The following LPIN1 variants were observed in gnomAD, a reference collection of about 807,000 sequenced individuals.
LPIN1 encodes phosphatidate phosphatase LPIN1.
Under a neutral mutation model 107.5 loss-of-function variants are expected in LPIN1, and 71 were observed. That is an observed-to-expected ratio of 0.66 (90% confidence interval 0.55 to 0.80). LPIN1 has a LOEUF of 0.80. Among genes scored for constraint, LPIN1 ranks in the 30% least tolerant of loss-of-function variants. LPIN1 has a pLI of 0.00. For missense variants in LPIN1, 1,043 were observed against 1,160.6 expected, an observed-to-expected ratio of 0.90 and a Z score of 1.47; for synonymous variants, 445 against 452.6, an observed-to-expected ratio of 0.98 and a Z score of 0.21.
rs529843959 is a variant in LPIN1 at position 11,774,572 on chromosome 2, A to G, written c.722+827A>G. Among the ~76,000 whole-genome samples, 1 of 152,318 alleles carries G rather than the reference A, an allele frequency of 6.6e-6. No individual in the cohort carries two copies. Among genetic ancestry groups the G allele is most frequent in the Admixed American group, 6.5e-5 (1 of 15,304 alleles). On this transcript the variant is annotated intron_variant, in intron 5 of 20. Transcript: ENST00000674199. The surrounding 1 kb of genome is among the most constrained non-coding windows in gnomAD (Gnocchi z 4.4). ...ACTGAGAAACGCTGATCTAAATGCC[A>G]GTGACATCCTTGGGTTATTCGTATA...
upstream of LPIN1, among the ~76,000 whole-genome samples, chr2:11,720,397 T>C (rs974380092): frequency 6.6e-6 from 1 of 152,196 alleles, no homozygotes; most frequent in African/African-American, 2.4e-5. Flanking sequence ...AGCATCTGTC[T>C]GCTGGGAAGT....
chr2:11,807,784 C>G (rs988547631), intron 17 of LPIN1, among the ~76,000 whole-genome samples: 3 of 152,138 alleles, frequency 2.0e-5, no homozygotes. Flanking sequence ...GCAGGATGGC[C>G]AGGGCTTCTG....
chr2:11,789,479 T>TGTGTGGATGTGCACGTGTGTGCGC (rs1675285189), intron 12 of LPIN1, among the ~76,000 whole-genome samples: 2 of 151,922 alleles, frequency 1.3e-5, no homozygotes, highest in African/African-American at 2.4e-5. Flanking sequence ...CGTGTGTGCA[T>TGTGTGGATGTGCACGTGTGTGCGC]GTGTGGATGT....
chr2:11,730,832 C>T (rs1406427931), intron 1 of LPIN1, among the ~76,000 whole-genome samples: 1 of 152,164 alleles, frequency 6.6e-6, no homozygotes, highest in Non-Finnish European at 1.5e-5. Context: ...ACCTGCTTGA[C>T]ATCAGCTTTG....
At chr2:11,677,740 C>T in intron 1 of LPIN1, 2 of 1,533,598 alleles carry the variant, frequency 1.3e-6, no homozygotes, top group Non-Finnish European at 1.7e-6. Context: ...TAAGGGCCGG[C>T]CATGTGGCCA....
chr2:11,724,448 A>T (rs931144716), exon 1 of LPIN1: 13 of 985,764 alleles, frequency 1.3e-5, no homozygotes, highest in Non-Finnish European at 1.6e-5. Flanking sequence ...GGGGCCAGCC[A>T]TGCCTGTCCT....
intron 6 of LPIN1, among the ~76,000 whole-genome samples, chr2:11,778,255 TC>T (rs1449555741): frequency 6.6e-6 from 1 of 152,118 alleles, no homozygotes; most frequent in Non-Finnish European, 1.5e-5. Context: ...GAGCCTCCTC[TC>T]CCCAGGCAGG....
intron 2 of LPIN1, among the ~76,000 whole-genome samples, chr2:11,714,398 C>T (rs915936234): frequency 6.6e-6 from 1 of 152,198 alleles, no homozygotes; most frequent in Non-Finnish European, 1.5e-5. Flanking sequence ...TTCCTAGACC[C>T]CATGTTCCAC....
chr2:11,767,704 G>T, intron 2 of LPIN1, 59 bp from the exon 3 acceptor site: 1 of 1,074,888 alleles, frequency 9.3e-7, no homozygotes, highest in Non-Finnish European at 1.5e-6. Flanking sequence ...CCGTCCCCAT[G>T]AGGTCTCCTG....
At chr2:11,758,911 C>G (rs1203437493) in intron 1 of LPIN1, among the ~76,000 whole-genome samples, 3 of 152,156 alleles carry the variant, frequency 2.0e-5, no homozygotes, top group African/African-American at 4.8e-5. Flanking sequence ...AACTAAGGAT[C>G]CCTTAGTTGA....
rs1235977408 is a variant in LPIN1, at chr2:11,717,475, C to A, written c.138+3663C>A. ...CTCTTTTTTATTGTTAGAAGAAATACCACTACCTGCCCATCCCCCCACCCT... is the reference window on the plus strand; with the variant it reads ...CTCTTTTTTATTGTTAGAAGAAATAACACTACCTGCCCATCCCCCCACCCT... On this transcript the variant is annotated intron_variant, in intron 2 of 21. Transcript: ENST00000449576. 2.6e-5 allele frequency among the ~76,000 whole-genome samples: 4 copies of A among 151,888 alleles called. No individual in the cohort carries two copies. In the East Asian group the frequency reaches 7.7e-4, roughly 29 times the overall value.
At chr2:11,749,638 A>C (rs1667487154) in intron 1 of LPIN1, among the ~76,000 whole-genome samples, 1 of 152,160 alleles carries the variant, frequency 6.6e-6, no homozygotes, top group Non-Finnish European at 1.5e-5. Context: ...ACAATGAGGT[A>C]TGTGGCCCAG....
chr2:11,761,163 G>T (rs1005836830), intron 1 of LPIN1, among the ~76,000 whole-genome samples: 1 of 147,636 alleles, frequency 6.8e-6, no homozygotes, highest in Admixed American at 6.6e-5. Flanking sequence ...CTGCTTGCAC[G>T]TAGTTTTAGA....
chr2:11,728,656 A>T (rs1277436411), intron 1 of LPIN1, among the ~76,000 whole-genome samples: 1 of 152,144 alleles, frequency 6.6e-6, no homozygotes, highest in Non-Finnish European at 1.5e-5. Context: ...GATCACAGGT[A>T]TGAGCCATTG....
At chr2:11,782,561 C>G in intron 8 of LPIN1, 54 bp downstream of exon 8, 2 of 1,599,478 alleles carry the variant, frequency 1.3e-6, no homozygotes, top group Non-Finnish European at 1.7e-6. Flanking sequence ...TGTGCTCACT[C>G]TACACATGAC....
At chr2:11,792,157 C>A in intron 13 of LPIN1, 151 bp downstream of exon 13, 1 of 696,802 alleles carries the variant, frequency 1.4e-6, no homozygotes, top group Non-Finnish European at 2.5e-6. Context: ...AGGGCGAGTG[C>A]TCGTGGAACG....
intron 18 of LPIN1, chr2:11,816,753 T>A (rs1197954510): frequency 6.6e-6 from 1 of 152,124 alleles, no homozygotes; most frequent in Non-Finnish European, 1.5e-5. Flanking sequence ...TTTTTTTTTT[T>A]TTTTTTAATT....
intron 18 of LPIN1, chr2:11,818,415 AT>A (rs1053136019): frequency 2.9e-4 from 44 of 152,090 alleles, no homozygotes; most frequent in African/African-American, 1.0e-3. Flanking sequence ...ATTTCTAGAC[AT>A]TTTATATTTT....
At chr2:11,686,740 T>A (rs1272023939) in intron 1 of LPIN1, among the ~76,000 whole-genome samples, 1 of 152,130 alleles carries the variant, frequency 6.6e-6, no homozygotes, top group Non-Finnish European at 1.5e-5. Flanking sequence ...ATCACTCCTA[T>A]GTGAGGACCC....
Sources: gnomAD v4.1 joint callset for allele counts (sites outside exome capture counted in the v4.1 genomes callset) on GRCh38, gnomAD v4.1.1 for gene constraint, Gnocchi (gnomAD v3.1) non-coding constraint, MANE v1.5 for transcripts, NCBI Gene and HGNC (gene_info 2026-07-23, HGNC 2026-07-21) for gene names.